The following SPTBN2 variants were observed in gnomAD, a reference collection of about 807,000 sequenced individuals.
SPTBN2 encodes spectrin beta chain, non-erythrocytic 2.
SPTBN2 carries 107 observed loss-of-function variants against 284.2 expected under a neutral mutation model. The observed-to-expected ratio is 0.38, with a 90% CI of 0.32 to 0.44. The LOEUF (loss-of-function observed/expected upper bound fraction) is 0.44. Ranked by LOEUF, SPTBN2 falls within the 20% of genes least tolerant of loss-of-function variation. The probability of loss-of-function intolerance (pLI) is 1.00; values close to 1 mark genes in which losing one functional copy is unlikely to be tolerated. For synonymous variants in SPTBN2, 1,289 were observed against 1,354.8 expected, an observed-to-expected ratio of 0.95 and a Z score of 1.07; for missense variants, 2,569 against 3,287.1, an observed-to-expected ratio of 0.78 and a Z score of 5.34.
Position 66,685,990 on chromosome 11 carries a change from C to T in SPTBN2, c.7054G>A (p.Ala2352Thr), listed in dbSNP as rs956041767. Residue 2352 changes from alanine (A) to threonine (T), a missense_variant, in exon 38 of 38, where the codon GCC (alanine) becomes ACC (threonine). Transcript: ENST00000533211. The surrounding 1 kb of genome is among the most constrained non-coding windows in gnomAD (Gnocchi z 4.4). ...GGTGACACTGGGGGCATGGTCATGG[C>T]CCGGGTCATGCCCCGGGTGGTGCTG... ...VPSTTRGMTR[A>T]MTMPPVSPVG... 1 of 1,613,716 alleles carries T rather than the reference C, an allele frequency of 6.2e-7. No homozygotes were observed. The highest frequency in any genetic ancestry group is 1.3e-5 in the African/African-American group (1 of 74,928).
At chr11:66,730,406 A>AC (rs1206156034), upstream of SPTBN2, among the ~76,000 whole-genome samples, 2 of 151,694 alleles carry the variant, frequency 1.3e-5, no homozygotes, top group Non-Finnish European at 2.9e-5. Context: ...ACATGGTGAA[A>AC]CCCCTTCTCT....
At chr11:66,722,091 T>C (rs913333170) in intron 1 of SPTBN2, among the ~76,000 whole-genome samples, 2 of 151,600 alleles carry the variant, frequency 1.3e-5, no homozygotes, top group African/African-American at 4.9e-5. Context: ...TGCCCAGGAG[T>C]TCAAAGGAGG....
intron 1 of SPTBN2, among the ~76,000 whole-genome samples, chr11:66,740,864 T>C (rs1297302602): frequency 6.6e-6 from 1 of 152,166 alleles, no homozygotes; most frequent in Non-Finnish European, 1.5e-5. Flanking sequence ...TTGAAAGCTC[T>C]AGGGGAGCCT....
At chr11:66,737,702 A>G (rs896567778) in intron 1 of SPTBN2, among the ~76,000 whole-genome samples, 2 of 152,246 alleles carry the variant, frequency 1.3e-5, no homozygotes, top group Non-Finnish European at 2.9e-5. Context: ...TGATTACTGC[A>G]TGAAATAGAG....
chr11:66,694,032 A>G, intron 22 of SPTBN2, 107 bp downstream of exon 22: 1 of 1,439,900 alleles, frequency 6.9e-7, no homozygotes, highest in Non-Finnish European at 9.6e-7. Flanking sequence ...TCAATGCCAA[A>G]GAGAAGAGGG....
chr11:66,719,663 G>C (rs1214014538), intron 3 of SPTBN2, among the ~76,000 whole-genome samples: 1 of 152,114 alleles, frequency 6.6e-6, no homozygotes, highest in Non-Finnish European at 1.5e-5. Context: ...CAGGCATGGT[G>C]AGAGTCCTGG....
Position 66,714,376 on chromosome 11 carries a change from T to C in SPTBN2, c.515A>G (p.Asn172Ser). The C allele has an allele frequency of 6.2e-7, 1 of 1,613,982 alleles. No individual in the cohort carries two copies. The highest frequency in any genetic ancestry group is 8.5e-7 in the Non-Finnish European group (1 of 1,179,960). ...ATCCTTGGCTGACTTCTTCTCCTTG[T>C]TGTCTTCTGTCTCCACACTGATGTC... ...IQDISVETED[N>S]KEKKSAKDAL... The change falls in exon 6 of 38, where the codon AAC (asparagine) becomes AGC (serine). Residue 172 changes from asparagine to serine, a missense_variant. Transcript: ENST00000533211.
chr11:66,689,489 C>A, intron 29 of SPTBN2: 1 of 536,848 alleles, frequency 1.9e-6, no homozygotes, highest in Non-Finnish European at 3.3e-6. Context: ...TCATCACAGC[C>A]CAGCCACACA....
intron 10 of SPTBN2, 35 bp from the exon 11 acceptor site, chr11:66,709,054 A>G (rs779778730): frequency 6.4e-7 from 1 of 1,570,252 alleles, no homozygotes. Flanking sequence ...TCAGAATTAA[A>G]GCCCACGAGG....
intron 17 of SPTBN2, 69 bp from the exon 18 acceptor site, chr11:66,699,677 CA>C (rs1590933854): frequency 1.8e-5 from 27 of 1,523,298 alleles, no homozygotes; most frequent in Non-Finnish European, 2.2e-5. Flanking sequence ...GGGACCCACC[CA>C]GGGGCAAATC....
At chr11:66,714,203 G>C (rs376904404) in intron 6 of SPTBN2, 32 bp from the exon 7 acceptor site, 2 of 1,611,716 alleles carry the variant, frequency 1.2e-6, no homozygotes, top group East Asian at 2.2e-5. Flanking sequence ...ATGGTGAGTA[G>C]GGCTGAGCTC....
Position 66,696,463 on chromosome 11 carries a change from G to A in SPTBN2, c.4092C>T (p.Arg1364=), listed in dbSNP as rs747054822. ...GGGTGGTGGTCTCCAGCTCGTCCCA[G>A]CGCCTGTGCAGGTCTCTCAGCTTCT... is the stretch of plus-strand genomic sequence containing the variant. ...VSEKLRDLHR[R]WDELETTTQA... is the part of the protein sequence containing the mutation. Residue 1364 remains arginine, a synonymous_variant, in exon 21 of 38, where the codon CGC becomes CGT. Transcript: ENST00000533211. 6.4e-5 allele frequency: 104 copies of A among 1,612,530 alleles called. No homozygotes were observed. In the Middle Eastern group the frequency reaches 6.6e-4, roughly 10 times the overall value.
At chr11:66,743,035 G>A (rs1009976282) in intron 1 of SPTBN2, among the ~76,000 whole-genome samples, 1 of 152,036 alleles carries the variant, frequency 6.6e-6, no homozygotes, top group Non-Finnish European at 1.5e-5. Flanking sequence ...GAGCTAGTGG[G>A]GTCCGACAAC....
rs200462640 is a variant in SPTBN2 at position 66,715,344 on chromosome 11, T to G, written c.361A>C (p.Lys121Gln). ...MRIHCLENVD[K>Q]ALQFLKEQKV... Reference sequence around the variant, plus strand: ...TGCTCCTTGAGGAACTGCAGTGCCTTGTCCACGTTCTCCAGGCAGTGGATC... The same window carrying G: ...TGCTCCTTGAGGAACTGCAGTGCCTGGTCCACGTTCTCCAGGCAGTGGATC... Residue 121 changes from lysine (K) to glutamine (Q), a missense_variant, in exon 5 of 38, where the codon AAG (lysine) becomes CAG (glutamine). Physicochemically the swap from Lys to Gln is moderately conservative, Grantham distance 53 (BLOSUM62 1). This residue lies in a region of SPTBN2 where 304 missense variants were observed against 522.1 expected (regional missense o/e 0.58). Coordinates refer to ENST00000533211, the MANE Select transcript of SPTBN2 (RefSeq NM_006946.4). The surrounding 1 kb of genome is among the most constrained non-coding windows in gnomAD (Gnocchi z 5.3). 1 of 1,614,190 alleles carries G rather than the reference T, an allele frequency of 6.2e-7. No homozygotes were observed. Among genetic ancestry groups the G allele is most frequent in the Admixed American group, 1.7e-5 (1 of 60,024 alleles).
upstream of SPTBN2, among the ~76,000 whole-genome samples, chr11:66,729,787 G>A (rs766358692): frequency 1.3e-5 from 2 of 152,064 alleles, no homozygotes; most frequent in African/African-American, 2.4e-5. Flanking sequence ...ACAGTTAGCT[G>A]CATTTGAGGC....
chr11:66,691,092 C>T lies in SPTBN2; in HGVS notation c.5565+192G>A, dbSNP rs1353019358. On this transcript the variant is annotated intron_variant, in intron 27 of 37. Transcript: ENST00000533211. This position sits in a 1 kb window ranked among gnomAD's most constrained non-coding sequence, Gnocchi z 8.0. ...TCGGCCTCCCAAAGTGCTGGGATTA[C>T]AGGCGAGAGCCACCGCGCCTGGCCA... Among the ~76,000 whole-genome samples, 1 of 152,220 alleles carries T rather than the reference C, an allele frequency of 6.6e-6. No homozygotes were observed. Among genetic ancestry groups the T allele is most frequent in the Non-Finnish European group, 1.5e-5 (1 of 68,048 alleles).
intron 1 of SPTBN2, among the ~76,000 whole-genome samples, chr11:66,727,532 G>A (rs1942661509): frequency 6.6e-6 from 1 of 152,206 alleles, no homozygotes; most frequent in South Asian, 2.1e-4. Context: ...CGTGCGGGGC[G>A]GACCGCACAG....
chr11:66,742,830 G>C (rs533971051), intron 1 of SPTBN2, among the ~76,000 whole-genome samples: 2 of 152,150 alleles, frequency 1.3e-5, no homozygotes, highest in South Asian at 4.2e-4. Flanking sequence ...GGCTGGTCTC[G>C]AACTCCTGAC....
At chr11:66,692,509 T>C in intron 26 of SPTBN2, 27 bp downstream of exon 26, 1 of 1,599,228 alleles carries the variant, frequency 6.3e-7, no homozygotes, top group South Asian at 1.1e-5. Context: ...ACGGTTGATC[T>C]GAGCTGGGTG....
Sources: allele counts gnomAD v4.1 joint callset (sites outside exome capture counted in the v4.1 genomes callset), GRCh38; gene constraint gnomAD v4.1.1; regional missense constraint gnomAD v4.1.1; non-coding constraint Gnocchi (gnomAD v3.1); transcripts MANE v1.5; gene names NCBI Gene and HGNC (gene_info 2026-07-23, HGNC 2026-07-21).